MTM1: variants seen among roughly 807,000 people sequenced by gnomAD.
MTM1 encodes myotubularin 1.
A neutral mutation model predicts 52.1 loss-of-function variants in MTM1; 9 were observed. The ratio of observed to expected loss-of-function variants is 0.17; its 90% CI spans 0.10 to 0.30. The LOEUF is 0.30. Among genes scored for constraint, MTM1 ranks in the 10% least tolerant of loss-of-function variants. The pLI is 1.00. For synonymous variants in MTM1, 136 were observed against 163.8 expected, an observed-to-expected ratio of 0.83 and a Z score of 1.29; for missense variants, 277 against 470.7, an observed-to-expected ratio of 0.59 and a Z score of 3.81.
Position 150,639,160 on chromosome X carries a change from C to T in MTM1, c.528+134C>T. The T allele has an allele frequency of 6.9e-6, 4 of 583,756 alleles. No individual in the cohort carries two copies. The South Asian group carries it at 9.5e-5, about 14-fold the overall frequency. 48.1% of individuals were successfully genotyped at this position (583,756 alleles called of 1,213,427 possible). The stretch of plus-strand genomic sequence containing the variant: ...TCTTTTCAATGGTGGTGATATTATC[C>T]ACATTTTGTACAATATATCTCATTC... On this transcript the variant is annotated intron_variant, in intron 7 of 14. Transcript: ENST00000370396.
rs782095960 is a variant in MTM1, at chrX:150,589,137, T to C, written c.-10-3468T>C. ...TTAGTCTCAAGCTGTTCTACTGAGATTGGGACCAGTCACGTGCAACCTGGT... is the reference window on the plus strand; with the variant it reads ...TTAGTCTCAAGCTGTTCTACTGAGACTGGGACCAGTCACGTGCAACCTGGT... On this transcript the variant is annotated intron_variant, in intron 1 of 14. Coordinates refer to ENST00000370396, the MANE Select transcript of MTM1 (RefSeq NM_000252.3). Among the ~76,000 whole-genome samples, 8 of 111,661 alleles carry C rather than the reference T, an allele frequency of 7.2e-5. No individual in the cohort carries two copies. The East Asian group carries it at 2.0e-3, about 27-fold the overall frequency.
chrX:150,562,683 G>A, the MTM1 span, among the ~76,000 whole-genome samples: 2 of 111,881 alleles, frequency 1.8e-5, no homozygotes, highest in African/African-American at 6.5e-5. Context: ...CTCTCTGTAT[G>A]TGTTTTCATG....
intron 1 of MTM1, among the ~76,000 whole-genome samples, chrX:150,575,421 G>A (rs950064395): frequency 4.4e-5 from 5 of 112,470 alleles, no homozygotes; most frequent in African/African-American, 9.7e-5. Context: ...TACCAGGAGC[G>A]CTTCTCCAAC....
intron 2 of MTM1, among the ~76,000 whole-genome samples, chrX:150,594,828 G>T (rs925139187): frequency 1.7e-4 from 19 of 111,522 alleles, no homozygotes; most frequent in African/African-American, 6.2e-4. Flanking sequence ...TATTGCATTT[G>T]CTCGTTATGC....
At chrX:150,593,345 A>G (rs1049007505) in intron 2 of MTM1, among the ~76,000 whole-genome samples, 4 of 112,325 alleles carry the variant, frequency 3.6e-5, no homozygotes, top group Admixed American at 2.8e-4. Context: ...GCAGGCTGCT[A>G]CGCCTTCCTA....
chrX:150,590,365 G>T (rs1170655881), intron 1 of MTM1, among the ~76,000 whole-genome samples: 2 of 112,000 alleles, frequency 1.8e-5, no homozygotes, highest in Admixed American at 9.5e-5. Flanking sequence ...ACTGCATATT[G>T]TTCGGTTTCA....
Position 150,645,726 on chromosome X carries a change from G to T in MTM1, c.722G>T (p.Arg241Leu). Residue 241 changes from arginine (R) to leucine (L), a missense_variant, in exon 9 of 15, where the codon CGT (arginine) becomes CTT (leucine). This residue lies in a region of MTM1 where 164 missense variants were observed against 283.3 expected (regional missense o/e 0.58). Coordinates refer to ENST00000370396, the MANE Select transcript of MTM1 (RefSeq NM_000252.3). Reference sequence around the variant, plus strand: ...CCAGAAAATAAGACGGTCATTGTGCGTTGCAGTCAGCCTCTTGTCGGTATG... The same window carrying T: ...CCAGAAAATAAGACGGTCATTGTGCTTTGCAGTCAGCCTCTTGTCGGTATG... ...IHPENKTVIV[R>L]CSQPLVGMSG... is the part of the protein sequence containing the mutation. 8.3e-7 allele frequency: 1 copy of T among 1,211,345 alleles called. No individual in the cohort carries two copies. The highest frequency in any genetic ancestry group is 1.1e-6 in the Non-Finnish European group (1 of 895,018).
chrX:150,609,818 C>CTTTCG (rs2039242176), intron 4 of MTM1, among the ~76,000 whole-genome samples: 1 of 111,429 alleles, frequency 9.0e-6, no homozygotes, highest in Admixed American at 9.5e-5. Context: ...GAAGTATCAG[C>CTTTCG]TTTCATGGTT....
intron 2 of MTM1, 110 bp from the exon 3 acceptor site, chrX:150,596,388 T>G (rs193088778): frequency 1.6e-6 from 1 of 629,662 alleles, no homozygotes; most frequent in African/African-American, 2.2e-5. Context: ...GCTAAATCTC[T>G]AATGCTTTTT....
At chrX:150,595,458 T>C (rs936524787) in intron 2 of MTM1, among the ~76,000 whole-genome samples, 2 of 111,869 alleles carry the variant, frequency 1.8e-5, no homozygotes, top group South Asian at 7.4e-4. Flanking sequence ...CAAGACTGTC[T>C]CAAAAAATAA....
At position 150,668,562 on chromosome X, in the gene MTM1, A is replaced by G. The variant is rs781937142; in HGVS notation, c.1645-2866A>G. On this transcript the variant is annotated intron_variant, in intron 14 of 14. Transcript: ENST00000370396. ...AAAAAAAAAAATGTTTTAAGTAGCCAGGCATGGCAGTGCATGCTTGCAGTC... is the reference window on the plus strand; with the variant it reads ...AAAAAAAAAAATGTTTTAAGTAGCCGGGCATGGCAGTGCATGCTTGCAGTC... Among the ~76,000 whole-genome samples the G allele has an allele frequency of 5.5e-5, 6 of 109,522 alleles. No individual in the cohort carries two copies. The East Asian group carries it at 1.7e-3, about 31-fold the overall frequency.
chrX:150,571,391 C>T (rs1222551300), intron 1 of MTM1, among the ~76,000 whole-genome samples: 9 of 111,716 alleles, frequency 8.1e-5, no homozygotes, highest in African/African-American at 2.9e-4. Context: ...CAATTTGAAT[C>T]CTGGACCTAA....
Position 150,578,637 on chromosome X carries a change from G to A in MTM1, c.-11+9975G>A, listed in dbSNP as rs187950272. 9.0e-5 allele frequency among the ~76,000 whole-genome samples: 10 copies of A among 111,609 alleles called. No homozygotes were observed. In the Admixed American group the frequency reaches 9.5e-4, roughly 11 times the overall value. ...TGTTCCAGCATCATTTGTGGGAAAA[G>A]GCCCACACATTTTGGTAATTTTGTT... On this transcript the variant is annotated intron_variant, in intron 1 of 14. Coordinates refer to ENST00000370396, the MANE Select transcript of MTM1 (RefSeq NM_000252.3).
intron 10 of MTM1, among the ~76,000 whole-genome samples, chrX:150,653,995 C>T (rs1338707915): frequency 9.0e-6 from 1 of 111,344 alleles, no homozygotes; most frequent in East Asian, 2.8e-4. Flanking sequence ...TCAATTGGCC[C>T]AAAGCACGAG....
intron 9 of MTM1, among the ~76,000 whole-genome samples, chrX:150,647,318 A>G (rs1462666508): frequency 9.1e-6 from 1 of 109,503 alleles, no homozygotes; most frequent in East Asian, 2.8e-4. Flanking sequence ...AAAATGCATG[A>G]AATGGATACA....
intron 9 of MTM1, among the ~76,000 whole-genome samples, chrX:150,648,557 A>G (rs1557414086): frequency 2.7e-5 from 3 of 112,729 alleles, no homozygotes; most frequent in African/African-American, 9.7e-5. Flanking sequence ...TGCAAGTCTC[A>G]GAACTGTTTA....
intron 1 of MTM1, among the ~76,000 whole-genome samples, chrX:150,580,051 A>G (rs1353454066): frequency 9.0e-6 from 1 of 111,444 alleles, no homozygotes; most frequent in Non-Finnish European, 1.9e-5. Flanking sequence ...TACAAGTGAT[A>G]AGAGTGACCG....
intron 4 of MTM1, among the ~76,000 whole-genome samples, chrX:150,600,924 G>A (rs1416799195): frequency 9.0e-6 from 1 of 111,645 alleles, no homozygotes; most frequent in East Asian, 2.8e-4. Context: ...TGACAAGGTT[G>A]TGTATGTAGT....
Position 150,657,832 on chromosome X carries a change from A to G in MTM1, c.1065A>G (p.Thr355=), listed in dbSNP as rs1603204585. 3 of 1,211,579 alleles carry G rather than the reference A, an allele frequency of 2.5e-6. No individual in the cohort carries two copies. The highest frequency in any genetic ancestry group is 3.4e-6 in the Non-Finnish European group (3 of 895,252). The change falls in exon 11 of 15, where the codon ACA becomes ACG. Residue 355 remains threonine, a synonymous_variant. Coordinates refer to ENST00000370396, the MANE Select transcript of MTM1 (RefSeq NM_000252.3). ...TTTTTCTTTGTCAGCTCGTTTTGAC[A>G]GGAGCCATTCAAGTAGCAGACAAAG... The part of the protein sequence containing the change: ...HWLEHIKLVL[T]GAIQVADKVS...
Sources: gnomAD v4.1 joint callset for allele counts (sites outside exome capture counted in the v4.1 genomes callset) on GRCh38, gnomAD v4.1.1 for gene constraint, gnomAD v4.1.1 regional missense constraint, MANE v1.5 for transcripts, NCBI Gene and HGNC (gene_info 2026-07-23, HGNC 2026-07-21) for gene names.